SLC30A9: variants seen among roughly 807,000 people sequenced by gnomAD.
SLC30A9 encodes the protein proton-coupled zinc antiporter SLC30A9, mitochondrial.
In SLC30A9, 58 loss-of-function variants were observed where a neutral mutation model predicts 87.5. The ratio of observed to expected loss-of-function variants is 0.66; its 90% CI spans 0.54 to 0.82. The LOEUF (loss-of-function observed/expected upper bound fraction) is 0.82, where lower values mean the gene tolerates loss of function less well. SLC30A9 is among the 40% of genes least tolerant of loss of function. The pLI, the probability that SLC30A9 is intolerant of heterozygous loss-of-function variation, is 0.00. For missense variants in SLC30A9, 557 were observed against 679.1 expected, an observed-to-expected ratio of 0.82 and a Z score of 2.00; for synonymous variants, 234 against 233.0, an observed-to-expected ratio of 1.00 and a Z score of -0.04.
intron 6 of SLC30A9, among the ~76,000 whole-genome samples, chr4:42,028,993 A>T (rs1322308469): frequency 6.6e-6 from 1 of 152,264 alleles, no homozygotes; most frequent in Non-Finnish European, 1.5e-5. Context: ...TTTCAACAGT[A>T]GATACATTAT....
At chr4:42,041,445 G>A (rs1716919995) in intron 8 of SLC30A9, among the ~76,000 whole-genome samples, 1 of 152,142 alleles carries the variant, frequency 6.6e-6, no homozygotes. Context: ...ATGTTTTAAG[G>A]AAATAGCAGG....
chr4:42,059,330 C>G lies in SLC30A9; in HGVS notation c.841-861C>G, dbSNP rs545095994. The stretch of plus-strand genomic sequence containing the variant: ...AGTCTTATGATGTGATTTCTAGATT[C>G]ACATCAAATTAGGATGGAAAGGACT... On this transcript the variant is annotated intron_variant, in intron 9 of 17. Transcript: ENST00000264451. 1.4e-3 allele frequency among the ~76,000 whole-genome samples: 208 copies of G among 152,204 alleles called. 1 individual carries two copies. Among genetic ancestry groups the G allele is most frequent in the Admixed American group, 2.4e-3 (36 of 15,288 alleles).
intron 7 of SLC30A9, among the ~76,000 whole-genome samples, chr4:42,037,827 T>A (rs940706994): frequency 6.6e-6 from 1 of 152,144 alleles, no homozygotes; most frequent in Non-Finnish European, 1.5e-5. Context: ...ATTGCTGTGT[T>A]GCCCACGATC....
chr4:42,061,004 C>T (rs891249268), intron 10 of SLC30A9, among the ~76,000 whole-genome samples: 1 of 152,104 alleles, frequency 6.6e-6, no homozygotes, highest in African/African-American at 2.4e-5. Flanking sequence ...GAGAATAGCT[C>T]TCTAGTGTGT....
At position 42,060,770 on chromosome 4, in the gene SLC30A9, C is replaced by T. The variant is rs191670874; in HGVS notation, c.896+524C>T. Among the ~76,000 whole-genome samples, 3 of 152,158 alleles carry T rather than the reference C, an allele frequency of 2.0e-5. No homozygotes were observed. In the East Asian group the frequency reaches 5.8e-4, roughly 29 times the overall value. ...ATACAGAGATTTTTTTCTATTGCTT[C>T]TATTAACATAACCATCTAACACTTT... On this transcript the variant is annotated intron_variant, in intron 10 of 17. Coordinates refer to ENST00000264451, the MANE Select transcript of SLC30A9 (RefSeq NM_006345.4).
chr4:42,042,463 C>T (rs988523738), intron 8 of SLC30A9, among the ~76,000 whole-genome samples: 7 of 152,062 alleles, frequency 4.6e-5, no homozygotes, highest in Admixed American at 1.3e-4. Context: ...TCAGGAAGTT[C>T]GAACTGGACA....
At chr4:42,066,364 T>C (rs1718075936) in intron 12 of SLC30A9, among the ~76,000 whole-genome samples, 186 bp from the exon 13 acceptor site, 1 of 152,172 alleles carries the variant, frequency 6.6e-6, no homozygotes, top group African/African-American at 2.4e-5. Flanking sequence ...ATTATTATGG[T>C]TTAGAACTAT....
At chr4:42,021,008 T>G (rs1715923622) in intron 4 of SLC30A9, among the ~76,000 whole-genome samples, 1 of 152,214 alleles carries the variant, frequency 6.6e-6, no homozygotes, top group African/African-American at 2.4e-5. Flanking sequence ...ATATTTATAT[T>G]TATTGAAATT....
In SLC30A9 at chr4:42,035,302, G is replaced by A. The variant is rs752882508; in HGVS notation, c.638G>A (p.Arg213Lys). The stretch of plus-strand genomic sequence containing the variant: ...CTATTTAGAAACCAAAAAATATTAA[G>A]AGAATACAGAGATTTCTTGGGAAAT... ...ERLFRNQKILREYRDFLGNTK... is the reference protein window; with the variant it reads ...ERLFRNQKILKEYRDFLGNTK... Residue 213 changes from arginine to lysine, a missense_variant, in exon 7 of 18, where the codon AGA becomes AAA. Around this residue, in one of 2 missense-constraint regions of SLC30A9, gnomAD observed 467 missense variants for 529.8 expected, o/e 0.88. Transcript: ENST00000264451. The A allele has an allele frequency of 5.0e-6, 8 of 1,602,252 alleles. No individual in the cohort carries two copies. The highest frequency in any genetic ancestry group is 3.4e-5 in the Admixed American group (2 of 59,372).
chr4:42,058,657 T>C (rs948578187), intron 9 of SLC30A9, among the ~76,000 whole-genome samples: 3 of 152,180 alleles, frequency 2.0e-5, no homozygotes, highest in Non-Finnish European at 4.4e-5. Context: ...AGCCTCACAA[T>C]CATGGCAGAA....
At chr4:42,054,876 A>C (rs2153139103) in intron 9 of SLC30A9, among the ~76,000 whole-genome samples, 1 of 152,308 alleles carries the variant, frequency 6.6e-6, no homozygotes, top group South Asian at 2.1e-4. Flanking sequence ...GTTTTTAAAG[A>C]GATTCATCCA....
chr4:42,060,513 A>T (rs1040728612), intron 10 of SLC30A9, among the ~76,000 whole-genome samples: 15 of 152,168 alleles, frequency 9.9e-5, no homozygotes, highest in East Asian at 7.7e-4. Context: ...AATAAAGCAC[A>T]TATTTTGATC....
At chr4:42,016,208 A>G (rs574908522) in intron 2 of SLC30A9, among the ~76,000 whole-genome samples, 1 of 152,234 alleles carries the variant, frequency 6.6e-6, no homozygotes, top group Non-Finnish European at 1.5e-5. Context: ...TTAAATGCTT[A>G]GTATATATAG....
intron 1 of SLC30A9, among the ~76,000 whole-genome samples, chr4:41,996,541 C>A (rs1714716469): frequency 6.6e-6 from 1 of 151,172 alleles, no homozygotes; most frequent in Non-Finnish European, 1.5e-5. Context: ...GAGTTTGAGA[C>A]CAGCCTGGGC....
At chr4:41,998,337 G>T (rs1330901154) in intron 1 of SLC30A9, among the ~76,000 whole-genome samples, 1 of 152,174 alleles carries the variant, frequency 6.6e-6, no homozygotes, top group Non-Finnish European at 1.5e-5. Context: ...CAGTAGAATA[G>T]TAAGTGCCAG....
intron 15 of SLC30A9, among the ~76,000 whole-genome samples, chr4:42,074,278 C>T (rs1718434489): frequency 1.3e-5 from 2 of 152,172 alleles, no homozygotes; most frequent in Admixed American, 1.3e-4. Flanking sequence ...GTAACCTGCT[C>T]AGGATCCCTC....
chr4:42,032,837 C>A (rs112021305), intron 6 of SLC30A9, among the ~76,000 whole-genome samples: 1 of 152,164 alleles, frequency 6.6e-6, no homozygotes, highest in African/African-American at 2.4e-5. Flanking sequence ...TGTACGTTTC[C>A]TGTCCTGGGT....
intron 14 of SLC30A9, 79 bp from the exon 15 acceptor site, chr4:42,070,447 C>A: frequency 9.1e-7 from 1 of 1,099,014 alleles, no homozygotes. Context: ...TTTACTCGTT[C>A]TGGTTCTTTG....
intron 1 of SLC30A9, among the ~76,000 whole-genome samples, chr4:41,991,308 G>T (rs1489631117): frequency 6.6e-6 from 1 of 152,196 alleles, no homozygotes; most frequent in Non-Finnish European, 1.5e-5. Flanking sequence ...GTTTGGGTCC[G>T]AAAAACAAAG....
Sources: allele counts gnomAD v4.1 joint callset (sites outside exome capture counted in the v4.1 genomes callset), GRCh38; gene constraint gnomAD v4.1.1; regional missense constraint gnomAD v4.1.1; transcripts MANE v1.5; gene names NCBI Gene and HGNC (gene_info 2026-07-23, HGNC 2026-07-21).